The following EXOC6B variants were observed in gnomAD, a reference collection of about 807,000 sequenced individuals.
EXOC6B encodes the protein exocyst complex component 6B, also known as SEC15 homolog B.
EXOC6B carries 54 observed loss-of-function variants against 113.5 expected under a neutral mutation model. The observed-to-expected ratio is 0.48, with a 90% CI of 0.38 to 0.60. EXOC6B has a LOEUF of 0.60. EXOC6B is among the 20% of genes least tolerant of loss of function. The pLI, the probability that EXOC6B is intolerant of heterozygous loss-of-function variation, is 0.00. For missense variants in EXOC6B, 797 were observed against 977.5 expected (o/e 0.82, Z 2.46); for synonymous variants, 357 against 339.0 (o/e 1.05, Z -0.58).
At chr2:72,578,204 A>G (rs1573428181) in intron 6 of EXOC6B, among the ~76,000 whole-genome samples, 1 of 151,952 alleles carries the variant, frequency 6.6e-6, no homozygotes, top group South Asian at 2.1e-4. Context: ...CAATCCCCCT[A>G]CCTAATACAG....
chr2:72,470,300 T>C (rs1248523470), intron 17 of EXOC6B, among the ~76,000 whole-genome samples: 3 of 152,196 alleles, frequency 2.0e-5, no homozygotes, highest in Non-Finnish European at 4.4e-5. Context: ...TTCACCTCCC[T>C]GGTTAAACTT....
chr2:72,805,113 T>C (rs1477902593), intron 1 of EXOC6B, among the ~76,000 whole-genome samples: 1 of 152,186 alleles, frequency 6.6e-6, no homozygotes, highest in Non-Finnish European at 1.5e-5. Flanking sequence ...CTAAAGCTGA[T>C]CTAAGCAATA....
intron 11 of EXOC6B, among the ~76,000 whole-genome samples, chr2:72,500,342 T>A (rs1337520004): frequency 1.3e-5 from 2 of 152,176 alleles, no homozygotes; most frequent in African/African-American, 4.8e-5. Context: ...AAATTTGTAT[T>A]TCTTTATGTA....
At chr2:72,672,259 G>A (rs1290014792) in intron 6 of EXOC6B, among the ~76,000 whole-genome samples, 1 of 149,590 alleles carries the variant, frequency 6.7e-6, no homozygotes, top group East Asian at 2.0e-4. Flanking sequence ...ACACTCGCAT[G>A]TTTATTGCAG....
At chr2:72,586,099 A>C (rs1705551737) in intron 6 of EXOC6B, among the ~76,000 whole-genome samples, 1 of 152,128 alleles carries the variant, frequency 6.6e-6, no homozygotes, top group Admixed American at 6.5e-5. Flanking sequence ...AAAATTAACT[A>C]TGATGGATTA....
rs376234827 is a variant in EXOC6B at position 72,685,678 on chromosome 2, AAC to A, written c.669+32423_669+32424del. The stretch of plus-strand genomic sequence containing the variant: ...ACAACCAGAAGTACCTTCTAACAAA[AAC>A]ACACACAGCCTTGAATTGTAACATG... On this transcript the variant is annotated intron_variant, in intron 6 of 21. Transcript: ENST00000272427. Among the ~76,000 whole-genome samples, 70 of 152,324 alleles carry A rather than the reference AAC, an allele frequency of 4.6e-4. 3 individuals carry two copies. The South Asian group carries it at 0.014, about 31-fold the overall frequency.
intron 6 of EXOC6B, among the ~76,000 whole-genome samples, chr2:72,582,092 A>G (rs1044598687): frequency 2.0e-4 from 31 of 152,216 alleles, no homozygotes; most frequent in African/African-American, 7.5e-4. Context: ...TAGGCCATAG[A>G]AGAAAAGCCA....
chr2:72,317,156 G>GTT (rs397949580), intron 20 of EXOC6B, among the ~76,000 whole-genome samples: 19 of 144,736 alleles, frequency 1.3e-4, no homozygotes, highest in African/African-American at 3.8e-4. Context: ...ATTGTGGTTT[G>GTT]TTTTTTTTTT....
At chr2:72,293,123 A>T (rs1685911719) in intron 20 of EXOC6B, among the ~76,000 whole-genome samples, 1 of 152,138 alleles carries the variant, frequency 6.6e-6, no homozygotes, top group Non-Finnish European at 1.5e-5. Flanking sequence ...TATTTTCCAG[A>T]GTGATAGTAT....
intron 2 of EXOC6B, among the ~76,000 whole-genome samples, chr2:72,737,340 C>A (rs1172690128): frequency 6.6e-6 from 1 of 150,840 alleles, no homozygotes; most frequent in Non-Finnish European, 1.5e-5. Flanking sequence ...TGAGACTCTG[C>A]CTCAAAAAAA....
intron 19 of EXOC6B, among the ~76,000 whole-genome samples, chr2:72,369,543 C>T (rs923390030): frequency 2.0e-5 from 3 of 152,014 alleles, no homozygotes; most frequent in South Asian, 2.1e-4. Flanking sequence ...AAAAAGAGCC[C>T]GCATTGCCAA....
At chr2:72,738,206 T>G (rs1573717254) in intron 2 of EXOC6B, among the ~76,000 whole-genome samples, 1 of 152,260 alleles carries the variant, frequency 6.6e-6, no homozygotes, top group Non-Finnish European at 1.5e-5. Flanking sequence ...CAATTTACAC[T>G]CTCATGTTCT....
At chr2:72,461,651 C>T (rs1697686500) in intron 18 of EXOC6B, 1 of 151,914 alleles carries the variant, frequency 6.6e-6, no homozygotes, top group African/African-American at 2.4e-5. Context: ...AATATAGTTA[C>T]ATCTGAATAT....
At chr2:72,636,293 A>AAGGCAGGGAGGG in intron 6 of EXOC6B, among the ~76,000 whole-genome samples, 1 of 133,996 alleles carries the variant, frequency 7.5e-6, no homozygotes, top group Non-Finnish European at 1.6e-5. Flanking sequence ...TGGAGGGAAG[A>AAGGCAGGGAGGG]AGGCAGGGAG....
At chr2:72,254,268 A>G (rs933764511) in intron 20 of EXOC6B, among the ~76,000 whole-genome samples, 2 of 152,170 alleles carry the variant, frequency 1.3e-5, no homozygotes, top group African/African-American at 4.8e-5. Flanking sequence ...AGACCCCTGA[A>G]CCCAATGATG....
At chr2:72,344,416 A>G (rs926357230) in intron 19 of EXOC6B, among the ~76,000 whole-genome samples, 10 of 150,638 alleles carry the variant, frequency 6.6e-5, no homozygotes, top group African/African-American at 2.4e-4. Context: ...TAGATCCACC[A>G]TCAGGTCTTT....
chr2:72,712,677 T>C (rs1249193474), intron 6 of EXOC6B, among the ~76,000 whole-genome samples: 1 of 152,206 alleles, frequency 6.6e-6, no homozygotes, highest in African/African-American at 2.4e-5. Flanking sequence ...CTTTCTAACA[T>C]CTTCTATCTC....
chr2:72,489,530 G>C (rs1487467888), intron 16 of EXOC6B, among the ~76,000 whole-genome samples: 1 of 152,194 alleles, frequency 6.6e-6, no homozygotes, highest in South Asian at 2.1e-4. Context: ...CTATATACCA[G>C]GCACAGTAAG....
At chr2:72,753,717 A>G (rs1359422726) in intron 1 of EXOC6B, among the ~76,000 whole-genome samples, 1 of 152,084 alleles carries the variant, frequency 6.6e-6, no homozygotes, top group East Asian at 1.9e-4. Flanking sequence ...CATGTCCAGC[A>G]TTATCTCTGA....
Sources: gnomAD v4.1 joint callset for allele counts (sites outside exome capture counted in the v4.1 genomes callset) on GRCh38, gnomAD v4.1.1 for gene constraint, MANE v1.5 for transcripts, NCBI Gene and HGNC (gene_info 2026-07-23, HGNC 2026-07-21) for gene names.